SNX29: variants seen among roughly 807,000 people sequenced by gnomAD.
SNX29 encodes the protein sorting nexin 29.
In SNX29, 78 loss-of-function variants were observed where a neutral mutation model predicts 102.1. The ratio of observed to expected loss-of-function variants is 0.76; its 90% CI spans 0.64 to 0.92. The LOEUF (loss-of-function observed/expected upper bound fraction) is 0.92. SNX29 is among the 40% of genes least tolerant of loss of function. SNX29 has a pLI of 0.00. For missense variants in SNX29, 1,280 were observed against 1,061.7 expected, an observed-to-expected ratio of 1.21 and a Z score of -2.86; for synonymous variants, 580 against 414.5, an observed-to-expected ratio of 1.40 and a Z score of -4.85.
intron 16 of SNX29, chr16:12,375,104 G>A (rs2082824622): frequency 1.3e-5 from 2 of 152,114 alleles, no homozygotes; most frequent in Non-Finnish European, 2.9e-5. Flanking sequence ...AGTGCAAGTG[G>A]GAGGCGAGTG....
At chr16:12,116,062 G>A (rs1246744146) in intron 11 of SNX29, among the ~76,000 whole-genome samples, 1 of 152,216 alleles carries the variant, frequency 6.6e-6, no homozygotes, top group Admixed American at 6.5e-5. Flanking sequence ...AAAGATATCT[G>A]CCATACTAAT....
At position 12,148,398 on chromosome 16, in the gene SNX29, T is replaced by A. The variant is rs11866500; in HGVS notation, c.1595+18640T>A. 2.9e-3 allele frequency among the ~76,000 whole-genome samples: 438 copies of A among 152,320 alleles called. 2 individuals are homozygous for A. The highest frequency in any genetic ancestry group is 0.01 in the African/African-American group (423 of 41,572). ...GTTAGGGCTGAACTAAATCCACAGA[T>A]GGTCTCTGCCTCTCTTTCTGTATCT... On this transcript the variant is annotated intron_variant, in intron 13 of 20. Transcript: ENST00000566228.
At chr16:12,074,884 C>T (rs899222629) in intron 10 of SNX29, among the ~76,000 whole-genome samples, 20 of 152,034 alleles carry the variant, frequency 1.3e-4, no homozygotes, top group African/African-American at 4.8e-4. Flanking sequence ...TTTTTTCTCT[C>T]AAATTCCCTT....
chr16:12,042,962 C>G lies in SNX29; in HGVS notation c.313C>G (p.Leu105Val), dbSNP rs1378052396. The G allele has an allele frequency of 6.2e-7, 1 of 1,613,786 alleles. No homozygotes were observed. The highest frequency in any genetic ancestry group is 8.5e-7 in the Non-Finnish European group (1 of 1,179,862). The change falls in exon 5 of 21, where the codon CTG becomes GTG. Residue 105 changes from leucine to valine, a missense_variant. Transcript: ENST00000566228. The part of the protein sequence containing the change: ...NKHELQRFYS[L>V]RHIASDVGRG... Reference sequence around the variant, plus strand: ...GCACGAGCTGCAGCGCTTCTACTCCCTGCGCCACATCGCCTCAGACGTGGG... The same window carrying G: ...GCACGAGCTGCAGCGCTTCTACTCCGTGCGCCACATCGCCTCAGACGTGGG...
chr16:12,461,691 TCA>T (rs905925706), intron 18 of SNX29, among the ~76,000 whole-genome samples: 55 of 151,862 alleles, frequency 3.6e-4, no homozygotes, highest in African/African-American at 1.2e-3. Context: ...GTGCCATTGC[TCA>T]CACCTGTAAT....
intron 13 of SNX29, among the ~76,000 whole-genome samples, chr16:12,168,048 A>G (rs1258551551): frequency 6.6e-6 from 1 of 152,210 alleles, no homozygotes; most frequent in Non-Finnish European, 1.5e-5. Context: ...AGGTTTCCAC[A>G]GTGTCCCAGG....
intron 20 of SNX29, among the ~76,000 whole-genome samples, chr16:12,536,792 A>C (rs995053877): frequency 6.6e-6 from 1 of 152,178 alleles, no homozygotes; most frequent in Admixed American, 6.5e-5. Context: ...CCTGGCCAAC[A>C]TGGTAAAACC....
At chr16:12,533,213 C>G (rs2076978822) in intron 20 of SNX29, among the ~76,000 whole-genome samples, 2 of 152,350 alleles carry the variant, frequency 1.3e-5, no homozygotes, top group South Asian at 4.1e-4. Flanking sequence ...CCACAGAGGA[C>G]ACTTTGCTGC....
chr16:11,977,555 G>C, intron 1 of SNX29: 1 of 152,762 alleles, frequency 6.5e-6, no homozygotes, highest in Non-Finnish European at 1.5e-5. Context: ...TTGTCCTGCA[G>C]CCCTTCCCTT....
At chr16:12,216,326 C>A (rs550933434) in intron 14 of SNX29, among the ~76,000 whole-genome samples, 2 of 152,196 alleles carry the variant, frequency 1.3e-5, no homozygotes, top group Non-Finnish European at 2.9e-5. Flanking sequence ...TGACCCCTCC[C>A]CTGACCCTTT....
At chr16:12,067,728 T>A (rs1456111723) in intron 9 of SNX29, among the ~76,000 whole-genome samples, 1 of 152,172 alleles carries the variant, frequency 6.6e-6, no homozygotes, top group African/African-American at 2.4e-5. Flanking sequence ...CCTCAAGTAA[T>A]CCACCTGCCT....
intron 20 of SNX29, among the ~76,000 whole-genome samples, chr16:12,553,971 G>A (rs986221975): frequency 1.6e-4 from 24 of 152,102 alleles, no homozygotes; most frequent in African/African-American, 5.1e-4. Flanking sequence ...GGGACTACAG[G>A]CATCCACCAC....
intron 20 of SNX29, among the ~76,000 whole-genome samples, chr16:12,548,600 G>A (rs4287556): frequency 0.32 from 48,122 of 152,008 alleles, 9,192 homozygotes; most frequent in East Asian, 0.74. Flanking sequence ...CCAGGCCCGG[G>A]TACTCTGTCC....
intron 15 of SNX29, among the ~76,000 whole-genome samples, chr16:12,337,912 G>T (rs963701355): frequency 6.6e-6 from 1 of 152,148 alleles, no homozygotes; most frequent in Non-Finnish European, 1.5e-5. Flanking sequence ...TTCTGCAGCC[G>T]AGGAACGGTC....
chr16:12,560,536 ATTTC>A (rs902108434), intron 20 of SNX29, among the ~76,000 whole-genome samples: 36 of 152,090 alleles, frequency 2.4e-4, no homozygotes, highest in African/African-American at 8.4e-4. Context: ...GACCATTTCT[ATTTC>A]TGGTTGAAAC....
intron 20 of SNX29, among the ~76,000 whole-genome samples, chr16:12,566,503 G>C (rs2079015930): frequency 1.3e-5 from 2 of 152,344 alleles, no homozygotes; most frequent in South Asian, 4.1e-4. Flanking sequence ...TGCAGGCTAA[G>C]TGGCTGCTCA....
chr16:12,312,323 C>T (rs973725143), intron 15 of SNX29, among the ~76,000 whole-genome samples: 1 of 152,200 alleles, frequency 6.6e-6, no homozygotes, highest in Non-Finnish European at 1.5e-5. Context: ...GAATTTCCAG[C>T]GCTCAGCCAG....
chr16:12,410,235 C>G (rs1226857786), intron 18 of SNX29, among the ~76,000 whole-genome samples: 2 of 152,144 alleles, frequency 1.3e-5, no homozygotes, highest in Non-Finnish European at 2.9e-5. Context: ...ACCTCGTGAT[C>G]CACCTGCCTC....
At chr16:12,523,676 A>G (rs2090185754) in intron 19 of SNX29, among the ~76,000 whole-genome samples, 3 of 152,172 alleles carry the variant, frequency 2.0e-5, no homozygotes, top group Admixed American at 2.0e-4. Context: ...CACACCAAGC[A>G]AGCTGGCCCT....
Sources: gnomAD v4.1 joint callset for allele counts (sites outside exome capture counted in the v4.1 genomes callset) on GRCh38, gnomAD v4.1.1 for gene constraint, MANE v1.5 for transcripts, NCBI Gene and HGNC (gene_info 2026-07-23, HGNC 2026-07-21) for gene names.